The following PSPC1 variants were observed in gnomAD, a reference collection of about 807,000 sequenced individuals.
PSPC1 encodes the protein paraspeckle component 1, also known as paraspeckle protein 1.
In PSPC1, 14 loss-of-function variants were observed where a neutral mutation model predicts 51.6. The ratio of observed to expected loss-of-function variants is 0.27; its 90% CI spans 0.18 to 0.42. PSPC1 has a LOEUF of 0.42. Among genes scored for constraint, PSPC1 ranks in the 10% least tolerant of loss-of-function variants. The pLI is 1.00. For synonymous variants in PSPC1, 193 were observed against 231.9 expected (o/e 0.83, Z 1.53); for missense variants, 406 against 701.1 (o/e 0.58, Z 4.75).
At chr13:19,755,680 C>T (rs1333752424) in intron 3 of PSPC1, among the ~76,000 whole-genome samples, 1 of 151,978 alleles carries the variant, frequency 6.6e-6, no homozygotes, top group African/African-American at 2.4e-5. Context: ...TTCCAGGACA[C>T]AGTCTGATGG....
Position 19,712,997 on chromosome 13 carries a change from AAAAT to A in PSPC1, c.1159-3402_1159-3399del, listed in dbSNP as rs1378416238. Among the ~76,000 whole-genome samples the A allele has an allele frequency of 3.9e-4, 59 of 152,314 alleles. 1 individual carries two copies. The highest frequency in any genetic ancestry group is 2.7e-3 in the South Asian group (13 of 4,828). ...GAGGTAGAGATTAGGATGATTTTGT[AAAAT>A]GAAATACAGCATTCTTCACTAACAC... On this transcript the variant is annotated intron_variant, in intron 6 of 8. Coordinates refer to ENST00000338910, the MANE Select transcript of PSPC1 (RefSeq NM_001354909.2).
intron 6 of PSPC1, among the ~76,000 whole-genome samples, chr13:19,724,603 CCAACACT>C (rs59129280): frequency 0.11 from 17,147 of 152,070 alleles, 1,201 homozygotes; most frequent in African/African-American, 0.2. Flanking sequence ...ACCTGTAATC[CCAACACT>C]CTGGGAAGCC....
intron 2 of PSPC1, among the ~76,000 whole-genome samples, chr13:19,762,611 G>A (rs928905984): frequency 1.3e-5 from 2 of 152,124 alleles, no homozygotes; most frequent in Admixed American, 1.3e-4. Context: ...AACATAAAAA[G>A]ACCAAGGAAC....
Position 19,782,173 on chromosome 13 carries a change from T to C in PSPC1, c.372+213A>G, listed in dbSNP as rs1037227930. Reference sequence around the variant, plus strand: ...GCACGGCAGAAAACGGCGGCCACTGTGAGCGCAGGAAATCCCGGGACCGTG... The same window carrying C: ...GCACGGCAGAAAACGGCGGCCACTGCGAGCGCAGGAAATCCCGGGACCGTG... On this transcript the variant is annotated intron_variant, in intron 1 of 8. Transcript: ENST00000338910. This position sits in a 1 kb window ranked among gnomAD's most constrained non-coding sequence, Gnocchi z 4.5. Among the ~76,000 whole-genome samples the C allele has an allele frequency of 5.3e-5, 8 of 152,166 alleles. No individual in the cohort carries two copies. Among genetic ancestry groups the C allele is most frequent in the Non-Finnish European group, 8.8e-5 (6 of 68,026 alleles).
intron 2 of PSPC1, among the ~76,000 whole-genome samples, chr13:19,767,575 G>A (rs988038326): frequency 6.6e-6 from 1 of 151,998 alleles, no homozygotes; most frequent in Non-Finnish European, 1.5e-5. Flanking sequence ...AAAGCTTAGG[G>A]TAAATATGGT....
intron 2 of PSPC1, among the ~76,000 whole-genome samples, chr13:19,769,051 A>C (rs1888357544): frequency 6.6e-6 from 1 of 150,838 alleles, no homozygotes; most frequent in Non-Finnish European, 1.5e-5. Context: ...GAGGCACAAT[A>C]ATCACTTGAA....
intron 6 of PSPC1, among the ~76,000 whole-genome samples, chr13:19,717,113 G>A (rs1369657755): frequency 1.3e-5 from 2 of 152,026 alleles, no homozygotes; most frequent in African/African-American, 4.8e-5. Context: ...ATAACAAATT[G>A]TAGACACAAA....
intron 6 of PSPC1, among the ~76,000 whole-genome samples, chr13:19,690,508 A>G (rs1878423914): frequency 6.6e-6 from 1 of 152,226 alleles, no homozygotes; most frequent in South Asian, 2.1e-4. Context: ...TAAAACCAGT[A>G]GCCTTCATTT....
At chr13:19,688,939 C>T (rs913309507) in intron 6 of PSPC1, among the ~76,000 whole-genome samples, 1 of 138,280 alleles carries the variant, frequency 7.2e-6, no homozygotes, top group African/African-American at 2.6e-5. Flanking sequence ...ACATAAGTTA[C>T]TTTTAATGGT....
intron 6 of PSPC1, among the ~76,000 whole-genome samples, chr13:19,720,932 TATA>T (rs1382039114): frequency 7.9e-5 from 12 of 152,144 alleles, no homozygotes; most frequent in South Asian, 4.1e-4. Flanking sequence ...AGTTTATAAT[TATA>T]ATAATTACCA....
intron 2 of PSPC1, among the ~76,000 whole-genome samples, chr13:19,770,062 T>C (rs1020748897): frequency 1.3e-5 from 2 of 152,180 alleles, no homozygotes; most frequent in South Asian, 2.1e-4. Flanking sequence ...AACATAGTTA[T>C]GTCCATACCA....
intron 6 of PSPC1, among the ~76,000 whole-genome samples, chr13:19,712,692 A>G (rs1267460230): frequency 1.3e-5 from 2 of 152,266 alleles, no homozygotes; most frequent in East Asian, 1.9e-4. Context: ...CTACCATAGC[A>G]TATTACTGTA....
At chr13:19,759,804 G>A (rs1887439081) in intron 2 of PSPC1, among the ~76,000 whole-genome samples, 1 of 150,288 alleles carries the variant, frequency 6.7e-6, no homozygotes, top group South Asian at 2.1e-4. Context: ...AGAGGTTGAA[G>A]TGAGTCAAGA....
intron 6 of PSPC1, among the ~76,000 whole-genome samples, chr13:19,725,478 G>A (rs1291067379): frequency 6.6e-6 from 1 of 152,138 alleles, no homozygotes; most frequent in African/African-American, 2.4e-5. Flanking sequence ...CGGATTCAGA[G>A]GTCAGCAAAC....
At chr13:19,768,052 T>A (rs1279831933) in intron 2 of PSPC1, among the ~76,000 whole-genome samples, 1 of 151,568 alleles carries the variant, frequency 6.6e-6, no homozygotes, top group Non-Finnish European at 1.5e-5. Context: ...ACCTCATATC[T>A]ACTTTAAAAA....
chr13:19,689,083 T>C (rs953472421), intron 6 of PSPC1, among the ~76,000 whole-genome samples: 4 of 152,156 alleles, frequency 2.6e-5, no homozygotes, highest in African/African-American at 4.8e-5. Flanking sequence ...AGAAAACTTA[T>C]AGTCAACTGT....
At chr13:19,724,859 C>T (rs1455446524) in intron 6 of PSPC1, among the ~76,000 whole-genome samples, 2 of 152,174 alleles carry the variant, frequency 1.3e-5, no homozygotes, top group East Asian at 3.9e-4. Flanking sequence ...ATTACCCAGG[C>T]GTGGTGGCGC....
chr13:19,694,973 AG>A (rs766350333), intron 6 of PSPC1, among the ~76,000 whole-genome samples: 2 of 152,224 alleles, frequency 1.3e-5, no homozygotes, highest in Non-Finnish European at 2.9e-5. Context: ...ATCAGGGCAA[AG>A]GATGGGTCCA....
Position 19,755,090 on chromosome 13 carries a change from C to A in PSPC1, c.771-3623G>T, listed in dbSNP as rs562866287. Among the ~76,000 whole-genome samples the A allele has an allele frequency of 2.6e-5, 4 of 151,978 alleles. No homozygotes were observed. In the South Asian group the frequency reaches 6.2e-4, roughly 24 times the overall value. ...TTTACAAAATAATTAAAAAATGAGA[C>A]GGGCATGGTGGCCCACATCTGTAGT... On this transcript the variant is annotated intron_variant, in intron 3 of 8. Coordinates refer to ENST00000338910, the MANE Select transcript of PSPC1 (RefSeq NM_001354909.2).
Sources: allele counts gnomAD v4.1 joint callset (sites outside exome capture counted in the v4.1 genomes callset), GRCh38; gene constraint gnomAD v4.1.1; non-coding constraint Gnocchi (gnomAD v3.1); transcripts MANE v1.5; gene names NCBI Gene and HGNC (gene_info 2026-07-23, HGNC 2026-07-21).